The following CNTNAP2 variants were observed in gnomAD, a reference collection of about 807,000 sequenced individuals.
CNTNAP2 encodes contactin associated protein 2.
CNTNAP2 carries 98 observed loss-of-function variants against 155.2 expected under a neutral mutation model. That is an observed-to-expected ratio of 0.63 (90% CI 0.54 to 0.75). CNTNAP2 has a LOEUF of 0.75. Among genes scored for constraint, CNTNAP2 ranks in the 30% least tolerant of loss-of-function variants. The pLI is 0.00. For synonymous variants in CNTNAP2, 651 were observed against 631.2 expected (o/e 1.03, Z -0.47); for missense variants, 1,727 against 1,688.1 (o/e 1.02, Z -0.40).
chr7:148,017,057 C>A (rs1410844396), intron 15 of CNTNAP2, among the ~76,000 whole-genome samples: 1 of 152,206 alleles, frequency 6.6e-6, no homozygotes, highest in East Asian at 1.9e-4. Flanking sequence ...AGACACAAAA[C>A]ACAAGATTTC....
chr7:147,300,435 CA>C (rs58996193), intron 9 of CNTNAP2, 145 bp downstream of exon 9: 2 of 938,678 alleles, frequency 2.1e-6, no homozygotes, highest in Non-Finnish European at 3.2e-6. Flanking sequence ...CTGAGCAAAA[CA>C]AAAAAAGAAA....
At chr7:147,889,070 A>G (rs1407356317) in intron 13 of CNTNAP2, among the ~76,000 whole-genome samples, 3 of 152,148 alleles carry the variant, frequency 2.0e-5, no homozygotes, top group Non-Finnish European at 4.4e-5. Flanking sequence ...GAGAATAAAT[A>G]TACTATGTTG....
At chr7:146,937,608 G>C (rs909427574) in intron 3 of CNTNAP2, among the ~76,000 whole-genome samples, 1 of 151,770 alleles carries the variant, frequency 6.6e-6, no homozygotes, top group South Asian at 2.1e-4. Context: ...CTGGGACAAG[G>C]CTGCAAAGGT....
chr7:146,653,019 G>A (rs867352313), intron 1 of CNTNAP2, among the ~76,000 whole-genome samples: 1 of 152,044 alleles, frequency 6.6e-6, no homozygotes, highest in Non-Finnish European at 1.5e-5. Context: ...TAAATACAAT[G>A]TAACTTGCTT....
At chr7:147,153,498 G>A (rs1054438271) in intron 8 of CNTNAP2, among the ~76,000 whole-genome samples, 30 of 152,070 alleles carry the variant, frequency 2.0e-4, no homozygotes, top group African/African-American at 7.2e-4. Flanking sequence ...TCAAACAGAT[G>A]AGGGAGTTAG....
rs2129218897 is a variant in CNTNAP2 at position 146,917,308 on chromosome 7, A to T, written c.402+77404A>T. On this transcript the variant is annotated intron_variant, in intron 3 of 23. Coordinates refer to ENST00000361727, the MANE Select transcript of CNTNAP2 (RefSeq NM_014141.6). Reference sequence around the variant, plus strand: ...GCAGTTGTTGGTTAGAATGTTCTGTAAATATCTGTTAAGTCCATTTGTTCC... The same window carrying T: ...GCAGTTGTTGGTTAGAATGTTCTGTTAATATCTGTTAAGTCCATTTGTTCC... Among the ~76,000 whole-genome samples, 3 of 152,300 alleles carry T rather than the reference A, an allele frequency of 2.0e-5. No homozygotes were observed. In the South Asian group the frequency reaches 6.2e-4, roughly 32 times the overall value.
At chr7:147,590,307 T>C (rs922477284) in intron 12 of CNTNAP2, among the ~76,000 whole-genome samples, 2 of 152,260 alleles carry the variant, frequency 1.3e-5, no homozygotes, top group Admixed American at 1.3e-4. Flanking sequence ...AAATCTCATG[T>C]TGAATTGTAA....
intron 3 of CNTNAP2, among the ~76,000 whole-genome samples, chr7:147,038,934 G>C (rs1052598371): frequency 2.0e-5 from 3 of 151,908 alleles, no homozygotes; most frequent in African/African-American, 4.8e-5. Context: ...TAATGTACAG[G>C]CCCTCCTCAT....
intron 8 of CNTNAP2, among the ~76,000 whole-genome samples, chr7:147,216,071 GT>G (rs1803262323): frequency 6.7e-6 from 1 of 149,180 alleles, no homozygotes; most frequent in African/African-American, 2.4e-5. Context: ...TTTCTTTTAT[GT>G]TTTGAAAAAC....
chr7:147,525,024 G>A (rs565585430), intron 11 of CNTNAP2, among the ~76,000 whole-genome samples: 155 of 152,320 alleles, frequency 1.0e-3, no homozygotes, highest in African/African-American at 3.2e-3. Context: ...GAAATCAGCT[G>A]TTGGTGAAAT....
chr7:146,237,468 T>G (rs1799492981), intron 1 of CNTNAP2, among the ~76,000 whole-genome samples: 1 of 152,228 alleles, frequency 6.6e-6, no homozygotes, highest in African/African-American at 2.4e-5. Context: ...GCATTGCGTC[T>G]TCAGTTTTTC....
At chr7:147,760,407 G>T (rs114364857) in intron 13 of CNTNAP2, among the ~76,000 whole-genome samples, 2,897 of 152,234 alleles carry the variant, frequency 0.019, 82 homozygotes, top group African/African-American at 0.063. Flanking sequence ...TCAATGATTA[G>T]TCTTCAACAT....
chr7:146,812,628 C>T (rs1803088620), intron 2 of CNTNAP2, among the ~76,000 whole-genome samples: 1 of 151,982 alleles, frequency 6.6e-6, no homozygotes, highest in Non-Finnish European at 1.5e-5. Context: ...TGCAGCCCCA[C>T]AGTGTGATAG....
At chr7:146,848,311 G>T (rs1794801977) in intron 3 of CNTNAP2, among the ~76,000 whole-genome samples, 1 of 152,174 alleles carries the variant, frequency 6.6e-6, no homozygotes, top group African/African-American at 2.4e-5. Context: ...AGAATAACTG[G>T]AATTTACAGT....
At chr7:146,959,424 T>A (rs115811078) in intron 3 of CNTNAP2, among the ~76,000 whole-genome samples, 8,015 of 151,894 alleles carry the variant, frequency 0.053, 260 homozygotes, top group South Asian at 0.085. Flanking sequence ...TTATTTTTTT[T>A]AAAAAAGAAA....
chr7:148,179,095 G>A (rs912482989), intron 18 of CNTNAP2, among the ~76,000 whole-genome samples: 8 of 152,136 alleles, frequency 5.3e-5, no homozygotes, highest in Non-Finnish European at 8.8e-5. Context: ...CCACCATATC[G>A]GACTGGTTTT....
intron 3 of CNTNAP2, among the ~76,000 whole-genome samples, chr7:146,975,836 G>C (rs1797899658): frequency 6.6e-6 from 1 of 152,142 alleles, no homozygotes; most frequent in Admixed American, 6.6e-5. Context: ...TCCCAAAATA[G>C]TGTTTAAAGA....
chr7:146,793,758 C>A (rs1252560225), intron 2 of CNTNAP2, among the ~76,000 whole-genome samples: 1 of 152,062 alleles, frequency 6.6e-6, no homozygotes. Context: ...AAGTGTGGTC[C>A]CTGGCCCAGG....
At chr7:148,402,057 G>C (rs1190455604) in intron 22 of CNTNAP2, among the ~76,000 whole-genome samples, 1 of 152,174 alleles carries the variant, frequency 6.6e-6, no homozygotes, top group Non-Finnish European at 1.5e-5. Flanking sequence ...GAGTACAATG[G>C]AATCAATTGC....
Sources: allele counts gnomAD v4.1 joint callset (sites outside exome capture counted in the v4.1 genomes callset), GRCh38; gene constraint gnomAD v4.1.1; transcripts MANE v1.5; gene names NCBI Gene and HGNC (gene_info 2026-07-23, HGNC 2026-07-21).